The following UGGT2 variants were observed in gnomAD, a reference collection of about 807,000 sequenced individuals.
The protein encoded by UGGT2 is UDP-glucose:glycoprotein glucosyltransferase 2.
A neutral mutation model predicts 192.1 loss-of-function variants in UGGT2; 180 were observed. The observed-to-expected ratio is 0.94, with a 90% CI of 0.83 to 1.06. The LOEUF (loss-of-function observed/expected upper bound fraction) is 1.06. Ranked by LOEUF, UGGT2 falls within the 50% of genes least tolerant of loss-of-function variation. The probability of loss-of-function intolerance (pLI) is 0.00; values close to 1 mark genes in which losing one functional copy is unlikely to be tolerated. For missense variants in UGGT2, 1,849 were observed against 1,795.7 expected (o/e 1.03, Z -0.54); for synonymous variants, 580 against 591.0 (o/e 0.98, Z 0.27).
intron 12 of UGGT2, among the ~76,000 whole-genome samples, chr13:95,962,353 C>T (rs1008294698): frequency 6.6e-6 from 1 of 151,794 alleles, no homozygotes; most frequent in Non-Finnish European, 1.5e-5. Context: ...CCAAAAAAGT[C>T]AGAAATGAAG....
intron 20 of UGGT2, among the ~76,000 whole-genome samples, chr13:95,924,962 C>T (rs911001344): frequency 2.6e-5 from 4 of 152,148 alleles, no homozygotes; most frequent in Non-Finnish European, 5.9e-5. Context: ...TAAATTGCTC[C>T]TAAATTCTTG....
At chr13:95,931,489 G>T (rs1035004809) in intron 17 of UGGT2, among the ~76,000 whole-genome samples, 1 of 150,710 alleles carries the variant, frequency 6.6e-6, no homozygotes, top group Non-Finnish European at 1.5e-5. Flanking sequence ...GGAGCAGGGG[G>T]CAGCACTCGT....
chr13:95,860,552 A>T (rs1890064256), intron 32 of UGGT2, among the ~76,000 whole-genome samples: 1 of 150,410 alleles, frequency 6.6e-6, no homozygotes, highest in South Asian at 2.1e-4. Context: ...GGACTTAAAC[A>T]ACTGAAATAA....
intron 12 of UGGT2, among the ~76,000 whole-genome samples, chr13:95,961,451 C>G (rs2140704783): frequency 6.6e-6 from 1 of 152,084 alleles, no homozygotes; most frequent in South Asian, 2.1e-4. Flanking sequence ...GCAGGAATAG[C>G]TATACTTTTA....
chr13:95,883,357 A>G lies in UGGT2; in HGVS notation c.3228+1134T>C, dbSNP rs2047548960. 1.3e-5 allele frequency among the ~76,000 whole-genome samples: 2 copies of G among 152,238 alleles called. 1 individual carries two copies. Among genetic ancestry groups the G allele is most frequent in the South Asian group, 4.1e-4 (2 of 4,830 alleles). Reference sequence around the variant, plus strand: ...AGACACAAAGAGCTGGAAATAGGTCAGAGGGAGGACAATAAGGAGAAGGAA... The same window carrying G: ...AGACACAAAGAGCTGGAAATAGGTCGGAGGGAGGACAATAAGGAGAAGGAA... On this transcript the variant is annotated intron_variant, in intron 27 of 38. Transcript: ENST00000376747.
At chr13:95,886,592 A>T (rs1195447771) in intron 26 of UGGT2, among the ~76,000 whole-genome samples, 1 of 152,256 alleles carries the variant, frequency 6.6e-6, no homozygotes, top group Non-Finnish European at 1.5e-5. Context: ...GCATGTGATA[A>T]AATTTAAAAT....
intron 9 of UGGT2, among the ~76,000 whole-genome samples, chr13:95,986,038 T>G (rs1344434717): frequency 6.6e-6 from 1 of 152,140 alleles, no homozygotes; most frequent in African/African-American, 2.4e-5. Flanking sequence ...ATTTATTGCT[T>G]AAACAAGTTT....
At chr13:95,979,549 A>AG in intron 10 of UGGT2, among the ~76,000 whole-genome samples, 1 of 9,232 alleles carries the variant, frequency 1.1e-4, no homozygotes, top group Non-Finnish European at 3.2e-4. Context: ...TCTCTTACGC[A>AG]AAAAAAAAAA....
At chr13:95,908,560 C>CAGA (rs2048367401) in intron 20 of UGGT2, among the ~76,000 whole-genome samples, 1 of 152,064 alleles carries the variant, frequency 6.6e-6, no homozygotes, top group Non-Finnish European at 1.5e-5. Context: ...TACAGTCCCA[C>CAGA]CAACAGTGTA....
chr13:96,004,891 C>T (rs547591099), intron 5 of UGGT2, among the ~76,000 whole-genome samples: 1 of 151,988 alleles, frequency 6.6e-6, no homozygotes, highest in South Asian at 2.1e-4. Flanking sequence ...TATCAGAGGG[C>T]CTCAGAATCA....
At chr13:95,815,677 T>C (rs1229993260) in intron 38 of UGGT2, among the ~76,000 whole-genome samples, 1 of 152,202 alleles carries the variant, frequency 6.6e-6, no homozygotes, top group African/African-American at 2.4e-5. Context: ...GTGGGCTTTT[T>C]TGTTTTCCAA....
intron 37 of UGGT2, among the ~76,000 whole-genome samples, chr13:95,833,991 C>A (rs1415838626): frequency 6.6e-6 from 1 of 152,172 alleles, no homozygotes; most frequent in Non-Finnish European, 1.5e-5. Context: ...GTTGTCTTAA[C>A]CCTTTCCTCA....
intron 12 of UGGT2, among the ~76,000 whole-genome samples, chr13:95,960,723 G>C (rs933651294): frequency 6.6e-6 from 1 of 152,072 alleles, no homozygotes; most frequent in Non-Finnish European, 1.5e-5. Context: ...ATTCCAAAAG[G>C]TTTTGCCCAT....
chr13:95,809,366 G>C, intron 38 of UGGT2: 2 of 414,674 alleles, frequency 4.8e-6, no homozygotes, highest in South Asian at 3.6e-5. Context: ...CACGGTTTTT[G>C]TTTCTCCATT....
chr13:95,997,172 T>C (rs910268265), intron 6 of UGGT2, among the ~76,000 whole-genome samples: 2 of 152,202 alleles, frequency 1.3e-5, no homozygotes, highest in African/African-American at 2.4e-5. Flanking sequence ...CAAACATTTA[T>C]TGACTGCTTA....
At chr13:95,810,750 G>A (rs1884540205) in intron 38 of UGGT2, among the ~76,000 whole-genome samples, 1 of 151,720 alleles carries the variant, frequency 6.6e-6, no homozygotes, top group Non-Finnish European at 1.5e-5. Flanking sequence ...CACAAGCAAG[G>A]AAAGACAAAA....
At chr13:95,902,407 CA>C (rs1278136023) in intron 21 of UGGT2, among the ~76,000 whole-genome samples, 1 of 152,060 alleles carries the variant, frequency 6.6e-6, no homozygotes, top group Admixed American at 6.6e-5. Flanking sequence ...CCACAAAGAA[CA>C]GGGACAGGGA....
intron 5 of UGGT2, among the ~76,000 whole-genome samples, chr13:96,010,760 C>A (rs2052136019): frequency 6.6e-6 from 1 of 152,090 alleles, no homozygotes; most frequent in Non-Finnish European, 1.5e-5. Context: ...TTTGTAGATA[C>A]AGACAAGCCG....
At chr13:96,049,229 AC>A (rs1409812900) in intron 1 of UGGT2, among the ~76,000 whole-genome samples, 9 of 152,340 alleles carry the variant, frequency 5.9e-5, no homozygotes, top group Middle Eastern at 3.4e-3. Context: ...AAAGACAAAA[AC>A]CACATGATTA....
Sources: gnomAD v4.1 joint callset for allele counts (sites outside exome capture counted in the v4.1 genomes callset) on GRCh38, gnomAD v4.1.1 for gene constraint, MANE v1.5 for transcripts, NCBI Gene and HGNC (gene_info 2026-07-23, HGNC 2026-07-21) for gene names.